Variants in AUTS2 observed in about 807,000 individuals in gnomAD.
The protein encoded by AUTS2 is activator of transcription and developmental regulator AUTS2.
AUTS2 carries 17 observed loss-of-function variants against 112.4 expected under a neutral mutation model. The ratio of observed to expected loss-of-function variants is 0.15; its 90% confidence interval spans 0.10 to 0.23. The LOEUF (loss-of-function observed/expected upper bound fraction) is 0.23. Among genes scored for constraint, AUTS2 ranks in the 10% least tolerant of loss-of-function variants. AUTS2 has a pLI of 1.00. For missense variants in AUTS2, 1,510 were observed against 1,701.6 expected (o/e 0.89, Z 1.98); for synonymous variants, 751 against 702.7 (o/e 1.07, Z -1.09).
intron 5 of AUTS2, among the ~76,000 whole-genome samples, chr7:70,668,325 G>A (rs1807454006): frequency 6.6e-6 from 1 of 152,154 alleles, no homozygotes; most frequent in Non-Finnish European, 1.5e-5. Flanking sequence ...AGTGCTGCTG[G>A]CCCCAGGACC....
At chr7:69,785,824 G>T (rs913200714) in intron 1 of AUTS2, among the ~76,000 whole-genome samples, 5 of 151,990 alleles carry the variant, frequency 3.3e-5, no homozygotes, top group African/African-American at 4.8e-5. Flanking sequence ...ACAGTGATTG[G>T]TTTTTTTGTT....
Position 70,755,854 on chromosome 7 carries a change from C to A in AUTS2, c.743-7016C>A, listed in dbSNP as rs544737267. ...CTTTAATAAAAATTTAATAAGTATA[C>A]TTTACTAATTACAGTAAATAATACT... On this transcript the variant is annotated intron_variant, in intron 6 of 18. Coordinates refer to ENST00000342771, the MANE Select transcript of AUTS2 (RefSeq NM_015570.4). Among the ~76,000 whole-genome samples the A allele has an allele frequency of 3.0e-4, 46 of 151,656 alleles. 1 individual carries two copies. In the East Asian group the frequency reaches 8.7e-3, roughly 29 times the overall value.
intron 4 of AUTS2, among the ~76,000 whole-genome samples, chr7:70,208,859 G>A (rs919526943): frequency 2.0e-5 from 3 of 151,852 alleles, no homozygotes; most frequent in African/African-American, 4.8e-5. Flanking sequence ...GAAAAAGGCC[G>A]GTGTGGCTGG....
chr7:70,513,575 T>C (rs576114354), intron 5 of AUTS2, among the ~76,000 whole-genome samples: 1 of 152,300 alleles, frequency 6.6e-6, no homozygotes, highest in Non-Finnish European at 1.5e-5. Flanking sequence ...GTAATCCACC[T>C]TTTGCCCTTA....
chr7:70,026,450 TA>T (rs1250438733), intron 2 of AUTS2, among the ~76,000 whole-genome samples: 1 of 152,040 alleles, frequency 6.6e-6, no homozygotes, highest in African/African-American at 2.4e-5. Context: ...TGAAGGATGT[TA>T]AAAAGCACAC....
At chr7:70,121,171 A>G (rs1024216777) in intron 3 of AUTS2, among the ~76,000 whole-genome samples, 2 of 152,232 alleles carry the variant, frequency 1.3e-5, no homozygotes, top group African/African-American at 2.4e-5. Flanking sequence ...TTGGACTCCT[A>G]CATCGCACTA....
At chr7:70,787,138 G>C (rs1791551652) in intron 17 of AUTS2, 71 bp from the exon 18 acceptor site, 1 of 1,456,492 alleles carries the variant, frequency 6.9e-7, no homozygotes, top group African/African-American at 1.4e-5. Context: ...AAGTTTTTTG[G>C]TAAGTACCTT....
intron 4 of AUTS2, among the ~76,000 whole-genome samples, chr7:70,397,658 T>TACACACACAC (rs145934747): frequency 4.7e-5 from 7 of 149,456 alleles, no homozygotes; most frequent in African/African-American, 1.2e-4. Context: ...TACATGTATG[T>TACACACACAC]ACACACACAC....
At chr7:70,756,821 A>G (rs1305141403) in intron 6 of AUTS2, among the ~76,000 whole-genome samples, 1 of 152,220 alleles carries the variant, frequency 6.6e-6, no homozygotes, top group Non-Finnish European at 1.5e-5. Flanking sequence ...TCCTGGAAAA[A>G]TCAGCGTATA....
intron 2 of AUTS2, among the ~76,000 whole-genome samples, chr7:70,111,539 C>G (rs1805089222): frequency 6.6e-6 from 1 of 152,118 alleles, no homozygotes; most frequent in Admixed American, 6.5e-5. Flanking sequence ...CCCTTGTGAC[C>G]ATTTGCAAAT....
chr7:69,705,563 C>T (rs1584104745), intron 1 of AUTS2, among the ~76,000 whole-genome samples: 1 of 152,240 alleles, frequency 6.6e-6, no homozygotes, highest in South Asian at 2.1e-4. Flanking sequence ...CTAGGGACGG[C>T]CTGACTGACA....
intron 2 of AUTS2, among the ~76,000 whole-genome samples, chr7:69,972,736 A>G (rs1426059602): frequency 6.6e-6 from 1 of 151,266 alleles, no homozygotes; most frequent in Non-Finnish European, 1.5e-5. Context: ...TTTTAGCACC[A>G]CTTATGGAAA....
intron 1 of AUTS2, among the ~76,000 whole-genome samples, chr7:69,802,340 C>T (rs905427387): frequency 6.6e-6 from 1 of 152,206 alleles, no homozygotes; most frequent in Non-Finnish European, 1.5e-5. Context: ...CCACCTCTCT[C>T]AGATCTTGTT....
At position 70,523,043 on chromosome 7, in the gene AUTS2, G is replaced by A. The variant is rs539949234; in HGVS notation, c.690+87262G>A. On this transcript the variant is annotated intron_variant, in intron 5 of 18. Coordinates refer to ENST00000342771, the MANE Select transcript of AUTS2 (RefSeq NM_015570.4). ...AGCTGCTTCTAAAACTAATTTCCAA[G>A]ATAACTTTCTTACCTGGGACTTTAT... Among the ~76,000 whole-genome samples the A allele has an allele frequency of 9.8e-4, 149 of 152,324 alleles. 1 individual carries two copies. The South Asian group carries it at 0.012, about 13-fold the overall frequency.
At chr7:69,650,116 A>T (rs1049812951) in intron 1 of AUTS2, among the ~76,000 whole-genome samples, 1 of 152,250 alleles carries the variant, frequency 6.6e-6, no homozygotes, top group Non-Finnish European at 1.5e-5. Context: ...GAGATGGCAA[A>T]ATCATTTATT....
At chr7:70,505,930 T>C (rs1435614224) in intron 5 of AUTS2, among the ~76,000 whole-genome samples, 1 of 152,192 alleles carries the variant, frequency 6.6e-6, no homozygotes, top group African/African-American at 2.4e-5. Context: ...CTTAGCTCCT[T>C]ATCAGGTTAA....
chr7:69,625,662 C>T (rs942042464), intron 1 of AUTS2, among the ~76,000 whole-genome samples: 1 of 151,852 alleles, frequency 6.6e-6, no homozygotes, highest in South Asian at 2.1e-4. Flanking sequence ...GGTTTGAGAC[C>T]AGCCTGGGAA....
At chr7:70,611,147 C>T (rs1019095327) in intron 5 of AUTS2, among the ~76,000 whole-genome samples, 2 of 152,186 alleles carry the variant, frequency 1.3e-5, no homozygotes, top group African/African-American at 4.8e-5. Flanking sequence ...GATTCTTTCA[C>T]ACGGTGTGAG....
chr7:69,917,674 T>C (rs1795638557), intron 2 of AUTS2, among the ~76,000 whole-genome samples: 1 of 152,144 alleles, frequency 6.6e-6, no homozygotes, highest in African/African-American at 2.4e-5. Flanking sequence ...TCTGCCCTCT[T>C]CTGAGTCTCC....
Sources: allele counts gnomAD v4.1 joint callset (sites outside exome capture counted in the v4.1 genomes callset), GRCh38; gene constraint gnomAD v4.1.1; transcripts MANE v1.5; gene names NCBI Gene and HGNC (gene_info 2026-07-23, HGNC 2026-07-21).